RNF38: variants seen among roughly 807,000 people sequenced by gnomAD.
RNF38 encodes the protein ring finger protein 38.
A neutral mutation model predicts 67.2 loss-of-function variants in RNF38; 15 were observed. That is an observed-to-expected ratio of 0.22 (90% CI 0.15 to 0.34). RNF38 has a LOEUF of 0.34. Ranked by LOEUF, RNF38 falls within the 10% of genes least tolerant of loss-of-function variation. The pLI is 1.00. For synonymous variants in RNF38, 220 were observed against 218.8 expected (o/e 1.01, Z -0.05); for missense variants, 524 against 639.9 (o/e 0.82, Z 1.95).
chr9:36,446,810 GAAAAAA>G (rs60691553), intron 1 of RNF38, among the ~76,000 whole-genome samples: 9 of 28,198 alleles, frequency 3.2e-4, no homozygotes, highest in East Asian at 2.4e-3. Context: ...TCCGCCTCAA[GAAAAAA>G]AAAAAAAAAA....
chr9:36,401,065 C>T, upstream of RNF38: 1 of 984,884 alleles, frequency 1.0e-6, no homozygotes, highest in Non-Finnish European at 1.2e-6. Context: ...GTCCGGGTCG[C>T]CCGTCCCACC....
chr9:36,400,731 C>T, upstream of RNF38: 1 of 985,710 alleles, frequency 1.0e-6, no homozygotes, highest in Non-Finnish European at 1.2e-6. Flanking sequence ...TTCCTTCCTC[C>T]CGGCACCATC....
chr9:36,339,293 T>C lies in RNF38; in HGVS notation c.*459A>G, dbSNP rs148323582. 3.7e-5 allele frequency: 6 copies of C among 162,762 alleles called. No homozygotes were observed. Among genetic ancestry groups the C allele is most frequent in the Non-Finnish European group, 6.8e-5 (5 of 73,340 alleles). The allele number at this position is 162,762 out of a possible 1,614,324, so 10.1% of individuals were successfully genotyped here. A position where few individuals can be genotyped will look rare whatever the true frequency, so the allele number is the denominator to read the frequency against. ...GTTAGCTACCATGCCCTCACACAAG[T>C]AGTTGCACACACTCACACAGATACA... On this transcript the variant is annotated 3_prime_UTR_variant, in exon 12 of 12. Transcript: ENST00000259605.
intron 1 of RNF38, among the ~76,000 whole-genome samples, chr9:36,440,085 A>C (rs1839160746): frequency 1.3e-5 from 2 of 152,130 alleles, no homozygotes; most frequent in Non-Finnish European, 2.9e-5. Context: ...GTCTCTACTA[A>C]AAATACAAAA....
chr9:36,468,844 T>C (rs923079232), intron 1 of RNF38, among the ~76,000 whole-genome samples: 1 of 152,036 alleles, frequency 6.6e-6, no homozygotes, highest in Non-Finnish European at 1.5e-5. Flanking sequence ...CCAGGCACAG[T>C]GGTTCACACC....
At chr9:36,342,611 T>C (rs1832931559) in intron 10 of RNF38, among the ~76,000 whole-genome samples, 187 bp from the exon 11 acceptor site, 1 of 152,124 alleles carries the variant, frequency 6.6e-6, no homozygotes. Flanking sequence ...TGCTGACAGA[T>C]TAGCAAGAAA....
At chr9:36,377,264 A>C (rs1367039864) in intron 2 of RNF38, among the ~76,000 whole-genome samples, 3 of 152,242 alleles carry the variant, frequency 2.0e-5, no homozygotes, top group Non-Finnish European at 4.4e-5. Flanking sequence ...AGTTCTAATT[A>C]GTTGGGCATT....
At chr9:36,473,075 T>C (rs541212824) in intron 1 of RNF38, among the ~76,000 whole-genome samples, 1 of 152,148 alleles carries the variant, frequency 6.6e-6, no homozygotes, top group East Asian at 1.9e-4. Context: ...GAAGCTGCAG[T>C]GAGCCAAGAT....
At chr9:36,378,169 CTTT>C (rs35057784) in intron 2 of RNF38, among the ~76,000 whole-genome samples, 401 of 114,832 alleles carry the variant, frequency 3.5e-3, no homozygotes, top group African/African-American at 0.013. Context: ...TTAACACTGA[CTTT>C]TTTTTTTTTT....
chr9:36,341,793 AATATATATATAT>A (rs1193028456), intron 11 of RNF38, among the ~76,000 whole-genome samples: 1 of 20,944 alleles, frequency 4.8e-5, no homozygotes, highest in South Asian at 1.9e-3. Flanking sequence ...CCTGTTTCAA[AATATATATATAT>A]ATATATATAT....
Position 36,337,691 on chromosome 9 carries a change from T to G in RNF38, c.*2061A>C, listed in dbSNP as rs1832552982. On this transcript the variant is annotated 3_prime_UTR_variant, in exon 12 of 12. Transcript: ENST00000259605. ...AAGATTAAACTATATGTGATTTGTA[T>G]GTAGCTGATTATTATGCCAAGAATT... is the stretch of plus-strand genomic sequence containing the variant. The G allele has an allele frequency of 1.3e-5, 2 of 152,762 alleles. No individual in the cohort carries two copies. The highest frequency in any genetic ancestry group is 1.3e-4 in the Admixed American group (2 of 15,302). The allele number at this position is 152,762 out of a possible 1,614,324, so 9.5% of individuals were successfully genotyped here.
chr9:36,450,213 C>T (rs1271839581), intron 1 of RNF38, among the ~76,000 whole-genome samples: 1 of 152,028 alleles, frequency 6.6e-6, no homozygotes, highest in African/African-American at 2.4e-5. Context: ...TTTGTTGCCC[C>T]CAACAAAAAC....
chr9:36,441,891 G>T (rs1839199509), intron 1 of RNF38, among the ~76,000 whole-genome samples: 1 of 152,142 alleles, frequency 6.6e-6, no homozygotes, highest in Non-Finnish European at 1.5e-5. Context: ...TTATTTTCTA[G>T]TATATTAAGG....
At chr9:36,483,165 T>A (rs1417971554) in intron 1 of RNF38, among the ~76,000 whole-genome samples, 1 of 152,096 alleles carries the variant, frequency 6.6e-6, no homozygotes, top group Non-Finnish European at 1.5e-5. Flanking sequence ...GGCAGGCTGA[T>A]CACAGAGGTC....
At chr9:36,416,784 A>G (rs926745541) in intron 2 of RNF38, among the ~76,000 whole-genome samples, 1 of 120,096 alleles carries the variant, frequency 8.3e-6, no homozygotes, top group Admixed American at 1.1e-4. Context: ...ACAGAGTCAC[A>G]TTCTGTGGCC....
intron 1 of RNF38, among the ~76,000 whole-genome samples, chr9:36,462,714 G>A (rs142186470): frequency 0.062 from 9,190 of 149,410 alleles, 309 homozygotes; most frequent in South Asian, 0.15. Context: ...CTGCTCTGTC[G>A]CCCAGGCTGG....
At chr9:36,449,626 G>A (rs909049681) in intron 1 of RNF38, among the ~76,000 whole-genome samples, 3 of 152,054 alleles carry the variant, frequency 2.0e-5, no homozygotes, top group East Asian at 1.9e-4. Context: ...TAATAGAGAC[G>A]GGGTTTCACC....
intron 4 of RNF38, among the ~76,000 whole-genome samples, chr9:36,359,476 C>A (rs1834360944): frequency 6.6e-6 from 1 of 152,080 alleles, no homozygotes; most frequent in Non-Finnish European, 1.5e-5. Context: ...CATCTTCTTG[C>A]CTCTACAGTG....
intron 1 of RNF38, among the ~76,000 whole-genome samples, chr9:36,486,173 G>A (rs1251517773): frequency 6.6e-6 from 1 of 151,982 alleles, no homozygotes; most frequent in Non-Finnish European, 1.5e-5. Context: ...AGCTCCACGG[G>A]ACCCTCGTCC....
Sources: gnomAD v4.1 joint callset for allele counts (sites outside exome capture counted in the v4.1 genomes callset) on GRCh38, gnomAD v4.1.1 for gene constraint, MANE v1.5 for transcripts, NCBI Gene and HGNC (gene_info 2026-07-23, HGNC 2026-07-21) for gene names.